PLCB1: variants seen among roughly 807,000 people sequenced by gnomAD.
PLCB1 encodes the protein phospholipase C beta 1, also known as 1-phosphatidylinositol 4,5-bisphosphate phosphodiesterase beta-1.
In PLCB1, 46 loss-of-function variants were observed where a neutral mutation model predicts 161.8. The observed-to-expected ratio is 0.28, with a 90% confidence interval of 0.22 to 0.36. The LOEUF (loss-of-function observed/expected upper bound fraction) is 0.36. Ranked by LOEUF, PLCB1 falls within the 10% of genes least tolerant of loss-of-function variation. The pLI is 1.00. For synonymous variants in PLCB1, 517 were observed against 503.7 expected (o/e 1.03, Z -0.35); for missense variants, 1,016 against 1,472.5 (o/e 0.69, Z 5.07).
chr20:8,774,995 T>C (rs1038147210), intron 27 of PLCB1, among the ~76,000 whole-genome samples: 12 of 152,250 alleles, frequency 7.9e-5, no homozygotes, highest in African/African-American at 2.9e-4. Flanking sequence ...CTTTTGGGAA[T>C]CTTTGAAATC....
chr20:8,879,124 G>A (rs1359366798), intron 31 of PLCB1, among the ~76,000 whole-genome samples: 2 of 152,082 alleles, frequency 1.3e-5, no homozygotes, highest in Non-Finnish European at 2.9e-5. Context: ...CCATGTTGCT[G>A]CAAAGGACAT....
intron 3 of PLCB1, among the ~76,000 whole-genome samples, chr20:8,548,192 T>C (rs1002823750): frequency 1.3e-5 from 2 of 149,044 alleles, no homozygotes; most frequent in African/African-American, 4.9e-5. Context: ...TTAGCTTTCT[T>C]TCTTCCCATT....
chr20:8,821,026 A>T (rs972939303), intron 31 of PLCB1, among the ~76,000 whole-genome samples: 4 of 152,178 alleles, frequency 2.6e-5, no homozygotes, highest in Non-Finnish European at 4.4e-5. Context: ...ACCTCTGAGG[A>T]GTCAGGGAAG....
chr20:8,325,665 G>A (rs1163086634), intron 2 of PLCB1, among the ~76,000 whole-genome samples: 1 of 152,138 alleles, frequency 6.6e-6, no homozygotes, highest in Non-Finnish European at 1.5e-5. Flanking sequence ...CACGTGTAAG[G>A]CCACACACAT....
At chr20:8,833,564 A>T (rs921203706) in intron 31 of PLCB1, among the ~76,000 whole-genome samples, 1 of 152,160 alleles carries the variant, frequency 6.6e-6, no homozygotes, top group African/African-American at 2.4e-5. Flanking sequence ...GGAGGAGGCA[A>T]TGTGTCCACA....
chr20:8,148,844 C>A (rs8121126), intron 1 of PLCB1, among the ~76,000 whole-genome samples: 76,803 of 151,994 alleles, frequency 0.51, 19,767 homozygotes, highest in African/African-American at 0.61. Context: ...TAGAATACTC[C>A]AATTATTTAA....
At chr20:8,589,913 C>A (rs1987099329) in intron 3 of PLCB1, among the ~76,000 whole-genome samples, 1 of 152,144 alleles carries the variant, frequency 6.6e-6, no homozygotes. Context: ...GCCACCACAG[C>A]TGGCCCTTGT....
At chr20:8,869,232 C>A (rs371822390) in intron 31 of PLCB1, among the ~76,000 whole-genome samples, 1 of 152,130 alleles carries the variant, frequency 6.6e-6, no homozygotes, top group African/African-American at 2.4e-5. Context: ...GGTACATGTG[C>A]ACAACATGCA....
chr20:8,285,172 C>T (rs2123291249), intron 2 of PLCB1, among the ~76,000 whole-genome samples: 1 of 151,142 alleles, frequency 6.6e-6, no homozygotes, highest in East Asian at 1.9e-4. Context: ...CCAGATGCTT[C>T]ACTTGTGTTT....
chr20:8,685,143 C>G, intron 10 of PLCB1, 65 bp downstream of exon 10: 1 of 1,466,602 alleles, frequency 6.8e-7, no homozygotes, highest in South Asian at 1.2e-5. Flanking sequence ...CCTCTACTTT[C>G]TGTTGTTCGG....
At chr20:8,652,237 G>A (rs1182260094) in intron 7 of PLCB1, 1 of 151,934 alleles carries the variant, frequency 6.6e-6, no homozygotes, top group Non-Finnish European at 1.5e-5. Context: ...GTTTAAATTA[G>A]AAAAAATTAT....
chr20:8,400,134 G>A (rs920697268), intron 3 of PLCB1, among the ~76,000 whole-genome samples: 2 of 152,132 alleles, frequency 1.3e-5, no homozygotes, highest in Admixed American at 1.3e-4. Flanking sequence ...GTGGCATAGG[G>A]AAGTACCTTA....
At position 8,882,028 on chromosome 20, in the gene PLCB1, G is replaced by T. The variant is rs1027686555; in HGVS notation, c.*179G>T. 2.2e-5 allele frequency: 13 copies of T among 592,376 alleles called. No homozygotes were observed. The highest frequency in any genetic ancestry group is 3.6e-5 in the Non-Finnish European group (12 of 334,092). 36.7% of individuals were successfully genotyped at this position (592,376 alleles called of 1,614,324 possible). On this transcript the variant is annotated 3_prime_UTR_variant, in exon 32 of 32. Transcript: ENST00000338037. ...GAATTCCCATGCCCAGGCTCCATGT[G>T]TCATGTGGAAACCTCCACAGGTCTG...
intron 31 of PLCB1, among the ~76,000 whole-genome samples, chr20:8,845,660 T>A (rs755654143): frequency 5.3e-5 from 8 of 152,106 alleles, no homozygotes; most frequent in Non-Finnish European, 1.0e-4. Context: ...GTTTTTTTGG[T>A]TGACAATTAT....
chr20:8,221,247 G>A (rs937933352), intron 2 of PLCB1, among the ~76,000 whole-genome samples: 20 of 151,992 alleles, frequency 1.3e-4, no homozygotes, highest in African/African-American at 3.9e-4. Context: ...GAAAGGTGAC[G>A]GTTTTCATTT....
At chr20:8,402,794 G>T (rs2662986) in intron 3 of PLCB1, among the ~76,000 whole-genome samples, 3,060 of 151,964 alleles carry the variant, frequency 0.02, 112 homozygotes, top group African/African-American at 0.067. Flanking sequence ...GCAGTCAGCC[G>T]AGATCGTGCC....
At chr20:8,190,725 C>T (rs6118094) in intron 2 of PLCB1, among the ~76,000 whole-genome samples, 3,013 of 152,136 alleles carry the variant, frequency 0.02, 115 homozygotes, top group African/African-American at 0.067. Flanking sequence ...CATTAACTCT[C>T]GTGGGTCACC....
intron 2 of PLCB1, among the ~76,000 whole-genome samples, chr20:8,186,483 A>G (rs1029049494): frequency 6.6e-6 from 1 of 152,130 alleles, no homozygotes; most frequent in Non-Finnish European, 1.5e-5. Context: ...TCTTTATTCT[A>G]TATTGACTGT....
chr20:8,807,832 C>A (rs1262288593), intron 31 of PLCB1, among the ~76,000 whole-genome samples: 1 of 152,140 alleles, frequency 6.6e-6, no homozygotes, highest in African/African-American at 2.4e-5. Context: ...TTTATTTTAA[C>A]TGTTTATATT....
Sources: gnomAD v4.1 joint callset for allele counts (sites outside exome capture counted in the v4.1 genomes callset) on GRCh38, gnomAD v4.1.1 for gene constraint, MANE v1.5 for transcripts, NCBI Gene and HGNC (gene_info 2026-07-23, HGNC 2026-07-21) for gene names.